KPNA7: variants seen among roughly 807,000 people sequenced by gnomAD.
The protein encoded by KPNA7 is importin subunit alpha-8.
In KPNA7, 54 loss-of-function variants were observed where a neutral mutation model predicts 53.7. The ratio of observed to expected loss-of-function variants is 1.01; its 90% confidence interval spans 0.81 to 1.26. KPNA7 has a LOEUF of 1.26. Among genes scored for constraint, KPNA7 ranks in the 50% most tolerant of loss-of-function variants. The pLI is 0.00. For synonymous variants in KPNA7, 276 were observed against 259.3 expected (o/e 1.06, Z -0.62); for missense variants, 640 against 644.5 (o/e 0.99, Z 0.07).
chr7:99,200,046 G>A (rs1199174094), intron 3 of KPNA7, among the ~76,000 whole-genome samples: 1 of 152,068 alleles, frequency 6.6e-6, no homozygotes, highest in Non-Finnish European at 1.5e-5. Flanking sequence ...GGGACTACAG[G>A]TGCATGCCAC....
the KPNA7 span, among the ~76,000 whole-genome samples, chr7:99,153,549 C>CAAA: frequency 2.6e-5 from 3 of 117,630 alleles, no homozygotes; most frequent in Non-Finnish European, 5.7e-5. Flanking sequence ...GACACTGTCT[C>CAAA]AAAAAAAAAA....
At chr7:99,154,218 T>C in the KPNA7 span, among the ~76,000 whole-genome samples, 3 of 151,414 alleles carry the variant, frequency 2.0e-5, no homozygotes, top group Non-Finnish European at 4.4e-5. Context: ...AACCTCTGCC[T>C]TCTGGGTTAA....
upstream of KPNA7, among the ~76,000 whole-genome samples, chr7:99,210,409 TGTGTCTTA>T (rs978416582): frequency 3.0e-5 from 4 of 134,298 alleles, no homozygotes; most frequent in African/African-American, 1.1e-4. Context: ...GTAACAGTAC[TGTGTCTTA>T]GGCAGGGATT....
chr7:99,218,298 ATTT>A (rs902529184), intron 1 of KPNA7, among the ~76,000 whole-genome samples: 5 of 151,300 alleles, frequency 3.3e-5, no homozygotes, highest in African/African-American at 9.7e-5. Flanking sequence ...ATTTTTTCAA[ATTT>A]TTTTTTCTTT....
intron 5 of KPNA7, among the ~76,000 whole-genome samples, chr7:99,194,263 C>A (rs1036374985): frequency 3.3e-5 from 5 of 152,156 alleles, no homozygotes; most frequent in African/African-American, 1.2e-4. Flanking sequence ...GAAAGAGCAT[C>A]GATTGCCACA....
chr7:99,214,608 A>G (rs1426512802), intron 1 of KPNA7, among the ~76,000 whole-genome samples: 1 of 115,316 alleles, frequency 8.7e-6, no homozygotes, highest in African/African-American at 3.3e-5. Flanking sequence ...AGCCTGGATA[A>G]CAAAGAGAGA....
chr7:99,176,735 C>A (rs891116783), intron 10 of KPNA7, among the ~76,000 whole-genome samples: 4 of 152,016 alleles, frequency 2.6e-5, no homozygotes, highest in Admixed American at 2.0e-4. Context: ...AAGTTAGCTG[C>A]CGGCATGGTG....
chr7:99,203,348 G>T, intron 2 of KPNA7, 108 bp from the exon 3 acceptor site: 3 of 1,156,442 alleles, frequency 2.6e-6, no homozygotes, highest in Non-Finnish European at 2.4e-6. Flanking sequence ...AGATACAATA[G>T]GCTGGAAAAG....
the KPNA7 span, among the ~76,000 whole-genome samples, chr7:99,145,858 A>G: frequency 6.6e-6 from 1 of 152,214 alleles, no homozygotes; most frequent in Non-Finnish European, 1.5e-5. Flanking sequence ...GATTCAAGGC[A>G]TCACATCTGT....
chr7:99,159,529 A>G, the KPNA7 span, among the ~76,000 whole-genome samples: 1 of 152,196 alleles, frequency 6.6e-6, no homozygotes. Flanking sequence ...CCATGGACCT[A>G]TCACCAGCCC....
At chr7:99,164,216 T>C in the KPNA7 span, among the ~76,000 whole-genome samples, 5 of 151,330 alleles carry the variant, frequency 3.3e-5, no homozygotes, top group African/African-American at 1.2e-4. Flanking sequence ...CTATTCACAA[T>C]AGCAAAGACT....
At chr7:99,146,380 A>T in the KPNA7 span, among the ~76,000 whole-genome samples, 1 of 152,184 alleles carries the variant, frequency 6.6e-6, no homozygotes, top group African/African-American at 2.4e-5. Flanking sequence ...ATGGGGTTAC[A>T]TTCTGATAAA....
chr7:99,193,338 A>C (rs758156728), intron 5 of KPNA7, among the ~76,000 whole-genome samples: 19 of 152,202 alleles, frequency 1.2e-4, no homozygotes, highest in African/African-American at 3.9e-4. Flanking sequence ...GAGCCAGCCA[A>C]CTCAGCCAAG....
chr7:99,173,983 T>C (rs1798819875), intron 10 of KPNA7, among the ~76,000 whole-genome samples, 189 bp from the exon 11 acceptor site: 1 of 152,212 alleles, frequency 6.6e-6, no homozygotes, highest in South Asian at 2.1e-4. Flanking sequence ...AACTTTTTCA[T>C]CTTGCACAAC....
downstream of KPNA7, among the ~76,000 whole-genome samples, chr7:99,168,635 C>G (rs1170929115): frequency 6.6e-6 from 1 of 152,138 alleles, no homozygotes; most frequent in Non-Finnish European, 1.5e-5. Flanking sequence ...CTCAGGCTCC[C>G]AAGCAGCTAG....
chr7:99,155,719 CTAAT>C, the KPNA7 span, among the ~76,000 whole-genome samples: 1,713 of 151,066 alleles, frequency 0.011, 30 homozygotes, highest in African/African-American at 0.04. Context: ...TGCCACCACA[CTAAT>C]TTTTTTTTTT....
At chr7:99,151,297 T>C in the KPNA7 span, among the ~76,000 whole-genome samples, 4 of 152,302 alleles carry the variant, frequency 2.6e-5, no homozygotes, top group African/African-American at 9.6e-5. Context: ...TAGGACTTAG[T>C]CCATAGAATG....
chr7:99,198,152 A>G lies in KPNA7; in HGVS notation c.202-1986T>C, dbSNP rs567872369. On this transcript the variant is annotated intron_variant, in intron 3 of 10. Coordinates refer to ENST00000327442, the MANE Select transcript of KPNA7 (RefSeq NM_001145715.3). Reference sequence around the variant, plus strand: ...TTATCAGAAAGCATCAAGGCCAAAAAGCTGAGGTGCAGTGAGCCAAGATTG... The same window carrying G: ...TTATCAGAAAGCATCAAGGCCAAAAGGCTGAGGTGCAGTGAGCCAAGATTG... 2.0e-5 allele frequency among the ~76,000 whole-genome samples: 3 copies of G among 152,220 alleles called. No individual in the cohort carries two copies. In the South Asian group the frequency reaches 6.2e-4, roughly 32 times the overall value.
chr7:99,174,595 A>G (rs1205831573), intron 10 of KPNA7, among the ~76,000 whole-genome samples: 1 of 152,116 alleles, frequency 6.6e-6, no homozygotes, highest in Non-Finnish European at 1.5e-5. Flanking sequence ...TACAGATTTG[A>G]TGACTGCAGG....
Sources: allele counts gnomAD v4.1 joint callset (sites outside exome capture counted in the v4.1 genomes callset), GRCh38; gene constraint gnomAD v4.1.1; transcripts MANE v1.5; gene names NCBI Gene and HGNC (gene_info 2026-07-23, HGNC 2026-07-21).